GALNT18: variants seen among roughly 807,000 people sequenced by gnomAD.
GALNT18 encodes GalNAc-transferase 18.
In GALNT18, 44 loss-of-function variants were observed where a neutral mutation model predicts 69.5. That is an observed-to-expected ratio of 0.63 (90% CI 0.50 to 0.81). GALNT18 has a LOEUF of 0.81. Among genes scored for constraint, GALNT18 ranks in the 40% least tolerant of loss-of-function variants. The pLI, the probability that GALNT18 is intolerant of heterozygous loss-of-function variation, is 0.00. For synonymous variants in GALNT18, 364 were observed against 318.2 expected (o/e 1.14, Z -1.53); for missense variants, 715 against 810.0 (o/e 0.88, Z 1.42).
rs1361788145 is a variant in GALNT18, at chr11:11,462,311, C to T, written c.236-13375G>A. ...TTTTCCTTTGCGATGGAGTCTTGCT[C>T]TGTCGCCCAGGCTGGAGTGCAGTGG... On this transcript the variant is annotated intron_variant, in intron 1 of 10. Coordinates refer to ENST00000227756, the MANE Select transcript of GALNT18 (RefSeq NM_198516.3). Among the ~76,000 whole-genome samples the T allele has an allele frequency of 2.7e-5, 4 of 147,390 alleles. No individual in the cohort carries two copies. In the East Asian group the frequency reaches 8.0e-4, roughly 29 times the overall value.
At position 11,332,792 on chromosome 11, in the gene GALNT18, C is replaced by T. The variant is rs201231548; in HGVS notation, c.1318G>A (p.Ala440Thr). ...IDIGDITARKALRKQLQCKTF... is the reference protein window; with the variant it reads ...IDIGDITARKTLRKQLQCKTF... ...TTGCACTGCAGCTGTTTCCTGAGAG[C>T]CTTCCTTGCAGTGATGTCCCCAATG... Residue 440 changes from alanine (A) to threonine (T), a missense_variant, in exon 8 of 11, where the codon GCT becomes ACT. Ala to Thr is a moderately conservative substitution (Grantham distance 58). Coordinates refer to ENST00000227756, the MANE Select transcript of GALNT18 (RefSeq NM_198516.3). This position sits in a 1 kb window ranked among gnomAD's most constrained non-coding sequence, Gnocchi z 4.3. The T allele has an allele frequency of 4.5e-5, 73 of 1,613,842 alleles. No individual in the cohort carries two copies. Among genetic ancestry groups the T allele is most frequent in the Non-Finnish European group, 5.8e-5 (68 of 1,180,008 alleles).
chr11:11,475,180 CTT>C (rs1426418104), intron 1 of GALNT18: 1 of 94,094 alleles, frequency 1.1e-5, no homozygotes, highest in Non-Finnish European at 2.1e-5. Flanking sequence ...AACAAGATCT[CTT>C]CTTTCTTTTT....
intron 1 of GALNT18, among the ~76,000 whole-genome samples, chr11:11,478,140 G>GAAAAC (rs1480576872): frequency 1.3e-5 from 2 of 152,180 alleles, no homozygotes; most frequent in African/African-American, 4.8e-5. Flanking sequence ...AAAGAGAAAA[G>GAAAAC]AAAACAAAAC....
intron 1 of GALNT18, among the ~76,000 whole-genome samples, chr11:11,615,399 A>G (rs1265237784): frequency 6.6e-6 from 1 of 152,258 alleles, no homozygotes; most frequent in Non-Finnish European, 1.5e-5. Flanking sequence ...AAATGCAGTT[A>G]ATAACCCATT....
chr11:11,313,428 T>C (rs1030793683), intron 9 of GALNT18, among the ~76,000 whole-genome samples: 1 of 152,216 alleles, frequency 6.6e-6, no homozygotes, highest in African/African-American at 2.4e-5. Context: ...TCAGTTTTCC[T>C]TTAGATCCTA....
intron 1 of GALNT18, among the ~76,000 whole-genome samples, chr11:11,482,127 C>T (rs897429771): frequency 6.6e-6 from 1 of 152,202 alleles, no homozygotes; most frequent in Non-Finnish European, 1.5e-5. Context: ...GCTTAACATG[C>T]AGCTCCTGGA....
intron 6 of GALNT18, chr11:11,352,496 C>T: frequency 6.2e-7 from 1 of 1,614,178 alleles, no homozygotes; most frequent in Non-Finnish European, 8.5e-7. Flanking sequence ...TATAATCGTA[C>T]ATCTGATAGT....
chr11:11,621,314 A>C lies in GALNT18; in HGVS notation c.235+45T>G, dbSNP rs375073035. 6.5e-7 allele frequency: 1 copy of C among 1,537,448 alleles called. No homozygotes were observed. The highest frequency in any genetic ancestry group is 2.3e-5 in the East Asian group (1 of 44,082). On this transcript the variant is annotated intron_variant, in intron 1 of 10. Transcript: ENST00000227756. This position sits in a 1 kb window ranked among gnomAD's most constrained non-coding sequence, Gnocchi z 9.3. ...CAGCGCACCCCGCGCCGCGCGGGGC[A>C]CTCCCGGGCCTCATGGGCGACCCAA...
In GALNT18 at chr11:11,341,153, C is replaced by G; in HGVS notation, c.1093-149G>C. Reference sequence around the variant, plus strand: ...ACTCTCTGTGAAGGAGTAGGCCATACCTGATTTCTGCTCCTATAGCAGCAG... The same window carrying G: ...ACTCTCTGTGAAGGAGTAGGCCATAGCTGATTTCTGCTCCTATAGCAGCAG... On this transcript the variant is annotated intron_variant, in intron 6 of 10. Coordinates refer to ENST00000227756, the MANE Select transcript of GALNT18 (RefSeq NM_198516.3). This position sits in a 1 kb window ranked among gnomAD's most constrained non-coding sequence, Gnocchi z 6.3. 1.6e-6 allele frequency: 1 copy of G among 634,198 alleles called. No homozygotes were observed. Among genetic ancestry groups the G allele is most frequent in the East Asian group, 2.9e-5 (1 of 35,028 alleles). The allele number at this position is 634,198 out of a possible 1,614,324, so 39.3% of individuals were successfully genotyped here.
intron 8 of GALNT18, among the ~76,000 whole-genome samples, chr11:11,327,426 G>A (rs576992821): frequency 1.3e-5 from 2 of 152,356 alleles, no homozygotes; most frequent in Admixed American, 6.5e-5. Context: ...GGTTACAGGA[G>A]ATGTGCATGC....
At chr11:11,281,951 ATGG>A (rs1235475265) in intron 10 of GALNT18, among the ~76,000 whole-genome samples, 1 of 152,064 alleles carries the variant, frequency 6.6e-6, no homozygotes, top group African/African-American at 2.4e-5. Context: ...TAGTAAGGCC[ATGG>A]TGGGGCATCG....
intron 3 of GALNT18, among the ~76,000 whole-genome samples, chr11:11,428,529 T>C (rs902489304): frequency 3.3e-5 from 5 of 152,164 alleles, no homozygotes; most frequent in Non-Finnish European, 7.4e-5. Context: ...TGCCTCCCTG[T>C]TCCCTCACAG....
rs576750831 is a variant in GALNT18 at position 11,396,023 on chromosome 11, G to T, written c.596-16759C>A. ...GGGGGGACACAGCCAGGTGGGAGAG[G>T]TGCCATTTTCCTGGGGTACAGCTGA... On this transcript the variant is annotated intron_variant, in intron 3 of 10. Coordinates refer to ENST00000227756, the MANE Select transcript of GALNT18 (RefSeq NM_198516.3). This position sits in a 1 kb window ranked among gnomAD's most constrained non-coding sequence, Gnocchi z 5.2. Among the ~76,000 whole-genome samples, 2 of 152,264 alleles carry T rather than the reference G, an allele frequency of 1.3e-5. No individual in the cohort carries two copies. Among genetic ancestry groups the T allele is most frequent in the African/African-American group, 4.8e-5 (2 of 41,544 alleles).
rs1441967566 is a variant in GALNT18 at position 11,613,654 on chromosome 11, A to T, written c.235+7705T>A. On this transcript the variant is annotated intron_variant, in intron 1 of 10. Coordinates refer to ENST00000227756, the MANE Select transcript of GALNT18 (RefSeq NM_198516.3). This position sits in a 1 kb window ranked among gnomAD's most constrained non-coding sequence, Gnocchi z 4.2. The stretch of plus-strand genomic sequence containing the variant: ...GACTCTAACCCCAAAGGCAAGTGAG[A>T]TTCAATAACAATTGTAGGAGCCATG... Among the ~76,000 whole-genome samples the T allele has an allele frequency of 3.3e-5, 5 of 152,202 alleles. No homozygotes were observed. Among genetic ancestry groups the T allele is most frequent in the African/African-American group, 1.2e-4 (5 of 41,454 alleles).
intron 10 of GALNT18, among the ~76,000 whole-genome samples, chr11:11,287,669 G>GTTTTAGAAGT (rs1277161930): frequency 6.6e-6 from 1 of 152,188 alleles, no homozygotes; most frequent in Non-Finnish European, 1.5e-5. Context: ...TAGGTAGGTA[G>GTTTTAGAAGT]TTTTAGAAGT....
In GALNT18 at chr11:11,318,857, A is replaced by AATGT. The variant is rs547739568; in HGVS notation, c.1512+8225_1512+8228dup. Among the ~76,000 whole-genome samples, 1 of 152,244 alleles carries AATGT rather than the reference A, an allele frequency of 6.6e-6. No homozygotes were observed. Among genetic ancestry groups the AATGT allele is most frequent in the African/African-American group, 2.4e-5 (1 of 41,534 alleles). On this transcript the variant is annotated intron_variant, in intron 9 of 10. Coordinates refer to ENST00000227756, the MANE Select transcript of GALNT18 (RefSeq NM_198516.3). The surrounding 1 kb of genome is among the most constrained non-coding windows in gnomAD (Gnocchi z 5.1). ...CCAAGAGTATGTAATTTTCCAAGAGAATGTACTCATGCTTGACTTTGCTAT... is the reference window on the plus strand; with the variant it reads ...CCAAGAGTATGTAATTTTCCAAGAGAATGTATGTACTCATGCTTGACTTTGCTAT...
chr11:11,560,311 A>G (rs1462458105), intron 1 of GALNT18, among the ~76,000 whole-genome samples: 3 of 145,532 alleles, frequency 2.1e-5, no homozygotes, highest in Non-Finnish European at 4.6e-5. Flanking sequence ...ATAGAACAGG[A>G]TATGATAGGA....
At chr11:11,561,108 T>C (rs1043795408) in intron 1 of GALNT18, among the ~76,000 whole-genome samples, 1 of 152,254 alleles carries the variant, frequency 6.6e-6, no homozygotes, top group Non-Finnish European at 1.5e-5. Context: ...CCTTTTCTTA[T>C]CAATTCTTGG....
In GALNT18 at chr11:11,592,451, AC is replaced by A. The variant is rs1194869640; in HGVS notation, c.235+28907del. Among the ~76,000 whole-genome samples the A allele has an allele frequency of 3.7e-4, 57 of 152,146 alleles. No homozygotes were observed. The highest frequency in any genetic ancestry group is 7.7e-4 in the East Asian group (4 of 5,170). On this transcript the variant is annotated intron_variant, in intron 1 of 10. Coordinates refer to ENST00000227756, the MANE Select transcript of GALNT18 (RefSeq NM_198516.3). This position sits in a 1 kb window ranked among gnomAD's most constrained non-coding sequence, Gnocchi z 5.9. Reference sequence around the variant, plus strand: ...GTCCTCCACTTTCCAGGCAAATAATACCTCCAGCCAAATAAGGGGTTCACTC... The same window carrying A: ...GTCCTCCACTTTCCAGGCAAATAATACTCCAGCCAAATAAGGGGTTCACTC...
Sources: gnomAD v4.1 joint callset for allele counts (sites outside exome capture counted in the v4.1 genomes callset) on GRCh38, gnomAD v4.1.1 for gene constraint, Gnocchi (gnomAD v3.1) non-coding constraint, MANE v1.5 for transcripts, NCBI Gene and HGNC (gene_info 2026-07-23, HGNC 2026-07-21) for gene names.